Variants in DPYD observed in about 807,000 individuals in gnomAD.
DPYD encodes dihydropyrimidine dehydrogenase [NADP(+)].
In DPYD, 109 loss-of-function variants were observed where a neutral mutation model predicts 116.2. The observed-to-expected ratio is 0.94, with a 90% CI of 0.80 to 1.10. DPYD has a LOEUF of 1.10. Among genes scored for constraint, DPYD ranks in the 50% least tolerant of loss-of-function variants. The pLI is 0.00. For missense variants in DPYD, 1,302 were observed against 1,254.5 expected (o/e 1.04, Z -0.57); for synonymous variants, 440 against 432.0 (o/e 1.02, Z -0.23).
chr1:97,625,805 C>A (rs538128326), intron 8 of DPYD, among the ~76,000 whole-genome samples: 2 of 151,874 alleles, frequency 1.3e-5, no homozygotes, highest in South Asian at 2.1e-4. Context: ...TTTAAGCCAC[C>A]CTGTCTGTGA....
intron 3 of DPYD, among the ~76,000 whole-genome samples, chr1:97,801,946 C>T (rs74105462): frequency 0.026 from 3,914 of 151,462 alleles, 166 homozygotes; most frequent in African/African-American, 0.086. Flanking sequence ...ACAAACTTAA[C>T]ATATCTCCTT....
Position 97,078,956 on chromosome 1 carries a change from C to A in DPYD, c.*20G>T, listed in dbSNP as rs750312649. 6.2e-7 allele frequency: 1 copy of A among 1,613,344 alleles called. No homozygotes were observed. The highest frequency in any genetic ancestry group is 2.2e-5 in the East Asian group (1 of 44,874). ...ATGTAGGTGACATGAAAGTTCACAGCAACTGTTTCACAAATCACCTTAACA... is the reference window on the plus strand; with the variant it reads ...ATGTAGGTGACATGAAAGTTCACAGAAACTGTTTCACAAATCACCTTAACA... On this transcript the variant is annotated 3_prime_UTR_variant, in exon 23 of 23. Coordinates refer to ENST00000370192, the MANE Select transcript of DPYD (RefSeq NM_000110.4).
chr1:97,498,490 C>CTGTG lies in DPYD; in HGVS notation c.1740+17232_1740+17235dup, dbSNP rs10591961. 1.7e-3 allele frequency among the ~76,000 whole-genome samples: 253 copies of CTGTG among 148,600 alleles called. 4 individuals carry two copies. Among genetic ancestry groups the CTGTG allele is most frequent in the Middle Eastern group, 3.4e-3 (1 of 290 alleles). ...GTACTTTGCCTCTCTCTCTCTTTCT[C>CTGTG]TGTGTGTGTGTGTGTGTGTGTGTGT... On this transcript the variant is annotated intron_variant, in intron 13 of 22. Coordinates refer to ENST00000370192, the MANE Select transcript of DPYD (RefSeq NM_000110.4).
At chr1:97,366,398 T>A (rs1671042428) in intron 16 of DPYD, among the ~76,000 whole-genome samples, 1 of 152,146 alleles carries the variant, frequency 6.6e-6, no homozygotes, top group South Asian at 2.1e-4. Flanking sequence ...ATGGCTAACA[T>A]CAGATTTTAG....
chr1:97,247,839 A>G (rs903773004), intron 18 of DPYD, among the ~76,000 whole-genome samples: 3 of 152,236 alleles, frequency 2.0e-5, no homozygotes, highest in Admixed American at 6.5e-5. Context: ...AAATAGATCC[A>G]TAACTATTGC....
Position 97,385,385 on chromosome 1 carries a change from G to T in DPYD, c.1906-2924C>A, listed in dbSNP as rs565648049. On this transcript the variant is annotated intron_variant, in intron 14 of 22. Coordinates refer to ENST00000370192, the MANE Select transcript of DPYD (RefSeq NM_000110.4). ...ACTGGGGAATGGGCAGAGCCCTGAG[G>T]CTTATTGCTAGAACTTCAAGGGCAG... is the stretch of plus-strand genomic sequence containing the variant. Among the ~76,000 whole-genome samples, 6 of 146,250 alleles carry T rather than the reference G, an allele frequency of 4.1e-5. No individual in the cohort carries two copies. In the South Asian group the frequency reaches 1.3e-3, roughly 32 times the overall value.
At position 97,710,322 on chromosome 1, in the gene DPYD, T is replaced by C. The variant is rs34455783; in HGVS notation, c.484-10775A>G. ...TGCTTCTATGTAATTTTCTTTGTTG[T>C]TTGTTTCCTTTTGTAAGACAAGTCA... On this transcript the variant is annotated intron_variant, in intron 5 of 22. Transcript: ENST00000370192. 2.2e-4 allele frequency among the ~76,000 whole-genome samples: 34 copies of C among 151,950 alleles called. No homozygotes were observed. In the South Asian group the frequency reaches 6.6e-3, roughly 30 times the overall value.
intron 14 of DPYD, among the ~76,000 whole-genome samples, chr1:97,386,050 C>T (rs1028286632): frequency 6.6e-6 from 1 of 152,038 alleles, no homozygotes; most frequent in Non-Finnish European, 1.5e-5. Context: ...GTGGGGCAGC[C>T]TCTGACTGGG....
intron 3 of DPYD, among the ~76,000 whole-genome samples, chr1:97,743,928 C>T (rs1396375706): frequency 6.6e-6 from 1 of 151,938 alleles, no homozygotes; most frequent in East Asian, 1.9e-4. Context: ...TACATTTTCC[C>T]CCAAATAGTT....
At position 97,284,971 on chromosome 1, in the gene DPYD, C is replaced by A. The variant is rs560215464; in HGVS notation, c.2299+20288G>T. 1.5e-4 allele frequency among the ~76,000 whole-genome samples: 23 copies of A among 152,172 alleles called. No individual in the cohort carries two copies. In the East Asian group the frequency reaches 1.9e-3, roughly 13 times the overall value. On this transcript the variant is annotated intron_variant, in intron 18 of 22. Coordinates refer to ENST00000370192, the MANE Select transcript of DPYD (RefSeq NM_000110.4). The stretch of plus-strand genomic sequence containing the variant: ...GTGTGAATTGCCCTGCTTTTTCTGT[C>A]TGCTTGTTTGGGAAAATCCCCTTTT...
At chr1:97,506,996 T>C (rs1647386451) in intron 13 of DPYD, among the ~76,000 whole-genome samples, 1 of 152,040 alleles carries the variant, frequency 6.6e-6, no homozygotes, top group African/African-American at 2.4e-5. Context: ...ATATTGAATG[T>C]GTACACACGA....
chr1:97,687,359 C>A (rs779511465), intron 7 of DPYD, among the ~76,000 whole-genome samples: 55 of 151,926 alleles, frequency 3.6e-4, no homozygotes, highest in Non-Finnish European at 6.8e-4. Context: ...ATGTGGCCAA[C>A]AAACAAACAT....
chr1:97,289,242 G>A (rs202220902), intron 18 of DPYD, among the ~76,000 whole-genome samples: 11,605 of 151,226 alleles, frequency 0.077, 987 homozygotes, highest in African/African-American at 0.21. Context: ...ATTCACAGCC[G>A]AATTCTACCA....
intron 13 of DPYD, among the ~76,000 whole-genome samples, chr1:97,485,636 A>C (rs561072680): frequency 6.6e-6 from 1 of 151,882 alleles, no homozygotes; most frequent in Non-Finnish European, 1.5e-5. Flanking sequence ...TTTTTTTATT[A>C]ATTTTGATTT....
At position 97,533,571 on chromosome 1, in the gene DPYD, C is replaced by T. The variant is rs116552920; in HGVS notation, c.1524+15989G>A. On this transcript the variant is annotated intron_variant, in intron 12 of 22. Transcript: ENST00000370192. ...TCAGGGTGGTGCCTGACAGCAAATC[C>T]ATGTAACATAAAGGAGTCAGTATGA... 4.7e-3 allele frequency among the ~76,000 whole-genome samples: 721 copies of T among 152,084 alleles called. 9 individuals carry two copies. Among genetic ancestry groups the T allele is most frequent in the African/African-American group, 0.017 (696 of 41,490 alleles).
chr1:97,654,217 GGATA>G (rs1487346017), intron 8 of DPYD, among the ~76,000 whole-genome samples: 1 of 152,060 alleles, frequency 6.6e-6, no homozygotes, highest in Non-Finnish European at 1.5e-5. Flanking sequence ...CTAATATGAT[GGATA>G]GATAATTACA....
At chr1:97,486,295 T>G (rs1678629763) in intron 13 of DPYD, among the ~76,000 whole-genome samples, 1 of 152,192 alleles carries the variant, frequency 6.6e-6, no homozygotes, top group African/African-American at 2.4e-5. Context: ...GCCTTCCATT[T>G]TGCAGTTTTT....
At chr1:97,194,749 C>T (rs1373531691) in intron 19 of DPYD, among the ~76,000 whole-genome samples, 4 of 152,010 alleles carry the variant, frequency 2.6e-5, no homozygotes, top group African/African-American at 4.8e-5. Context: ...GTGATCCACC[C>T]GCCTCAGCCT....
intron 10 of DPYD, among the ~76,000 whole-genome samples, chr1:97,581,070 C>T (rs1179273244): frequency 6.6e-6 from 1 of 152,002 alleles, no homozygotes; most frequent in African/African-American, 2.4e-5. Flanking sequence ...CTTTGGGAGG[C>T]CAAGGCAGGC....
Sources: allele counts gnomAD v4.1 joint callset (sites outside exome capture counted in the v4.1 genomes callset), GRCh38; gene constraint gnomAD v4.1.1; transcripts MANE v1.5; gene names NCBI Gene and HGNC (gene_info 2026-07-23, HGNC 2026-07-21).